The following SV2C variants were observed in gnomAD, a reference collection of about 807,000 sequenced individuals.
SV2C encodes the protein synaptic vesicle glycoprotein 2C.
SV2C carries 49 observed loss-of-function variants against 79.7 expected under a neutral mutation model. The observed-to-expected ratio is 0.61, with a 90% CI of 0.49 to 0.78. The LOEUF (loss-of-function observed/expected upper bound fraction) is 0.78. SV2C is among the 30% of genes least tolerant of loss of function. SV2C has a pLI of 0.00. For missense variants in SV2C, 833 were observed against 912.9 expected (o/e 0.91, Z 1.13); for synonymous variants, 334 against 333.2 (o/e 1.00, Z -0.03).
intron 4 of SV2C, among the ~76,000 whole-genome samples, chr5:76,274,684 C>CT (rs11415755): frequency 0.61 from 85,590 of 139,510 alleles, 25,845 homozygotes; most frequent in South Asian, 0.68. Flanking sequence ...TTTTCTCCTT[C>CT]TTTTTTTTTT....
intron 1 of SV2C, among the ~76,000 whole-genome samples, chr5:76,108,341 A>G (rs977591689): frequency 1.3e-5 from 2 of 152,184 alleles, no homozygotes; most frequent in African/African-American, 4.8e-5. Flanking sequence ...ATAAAATTGG[A>G]GTGATGTGCG....
chr5:76,000,364 T>C, the SV2C span, among the ~76,000 whole-genome samples: 1 of 152,108 alleles, frequency 6.6e-6, no homozygotes, highest in Admixed American at 6.5e-5. Flanking sequence ...CACCTGTTAT[T>C]CCTACCTGGG....
chr5:76,151,387 G>A (rs1749599407), intron 2 of SV2C, among the ~76,000 whole-genome samples: 1 of 152,226 alleles, frequency 6.6e-6, no homozygotes, highest in East Asian at 1.9e-4. Context: ...CCAATGGGGA[G>A]TGGTTGACGT....
chr5:76,031,258 T>A, the SV2C span, among the ~76,000 whole-genome samples: 136 of 152,316 alleles, frequency 8.9e-4, 1 homozygote, highest in African/African-American at 3.2e-3. Context: ...TGTTGCCTGC[T>A]CATCACAGCC....
chr5:76,346,577 C>T (rs1473056081), intron 12 of SV2C, among the ~76,000 whole-genome samples: 1 of 152,174 alleles, frequency 6.6e-6, no homozygotes, highest in African/African-American at 2.4e-5. Context: ...GCAGTCGCTG[C>T]GGTCAGTACT....
the SV2C span, among the ~76,000 whole-genome samples, chr5:76,048,880 G>A: frequency 1.5e-5 from 2 of 135,738 alleles, no homozygotes; most frequent in African/African-American, 5.6e-5. Context: ...AGAGAGAGAG[G>A]AAGGAAGGAA....
At chr5:75,858,853 T>C in the SV2C span, among the ~76,000 whole-genome samples, 1 of 126,422 alleles carries the variant, frequency 7.9e-6, no homozygotes, top group East Asian at 2.1e-4. Flanking sequence ...TAGGAATTTA[T>C]TTTTCTATTC....
chr5:76,092,005 A>G (rs1202559974), intron 1 of SV2C, among the ~76,000 whole-genome samples: 1 of 152,218 alleles, frequency 6.6e-6, no homozygotes, highest in Non-Finnish European at 1.5e-5. Flanking sequence ...GTGAACCTAC[A>G]TGGTAAAATG....
At chr5:75,984,603 C>T in the SV2C span, among the ~76,000 whole-genome samples, 197 of 141,482 alleles carry the variant, frequency 1.4e-3, 2 homozygotes, top group Admixed American at 4.2e-3. Flanking sequence ...ATCTACCTAT[C>T]TATCTATCTA....
chr5:76,237,001 C>A (rs902024534), intron 4 of SV2C, among the ~76,000 whole-genome samples: 12 of 152,308 alleles, frequency 7.9e-5, no homozygotes, highest in African/African-American at 2.9e-4. Flanking sequence ...CTCACTCCGT[C>A]CTGATGCCCT....
chr5:75,911,814 C>T, the SV2C span: 2 of 571,732 alleles, frequency 3.5e-6, no homozygotes, highest in Non-Finnish European at 3.5e-6. Context: ...ACAAGAGCAA[C>T]CTCACAGCAC....
the SV2C span, among the ~76,000 whole-genome samples, chr5:75,916,159 G>A: frequency 7.2e-5 from 11 of 152,268 alleles, no homozygotes; most frequent in Admixed American, 3.9e-4. Context: ...AAGTCAAAAC[G>A]TTTTGAACAT....
At chr5:76,073,503 G>GTGTGTGTA in the SV2C span, among the ~76,000 whole-genome samples, 1 of 67,412 alleles carries the variant, frequency 1.5e-5, no homozygotes, top group African/African-American at 6.6e-5. Context: ...GTATGTGTGT[G>GTGTGTGTA]TATATATATA....
the SV2C span, among the ~76,000 whole-genome samples, chr5:76,067,137 G>C: frequency 6.6e-6 from 1 of 152,040 alleles, no homozygotes; most frequent in South Asian, 2.1e-4. Context: ...TTGTCACTTT[G>C]AGTTGTATTT....
intron 9 of SV2C, among the ~76,000 whole-genome samples, chr5:76,298,479 A>G (rs547449474): frequency 6.6e-6 from 1 of 152,338 alleles, no homozygotes; most frequent in East Asian, 1.9e-4. Context: ...GAATAGCCCC[A>G]GGTAATCCCC....
Position 76,285,247 on chromosome 5 carries a change from C to T in SV2C, c.999C>T (p.Ser333=), listed in dbSNP as rs754031462. The T allele has an allele frequency of 6.2e-6, 10 of 1,614,054 alleles. No homozygotes were observed. The highest frequency in any genetic ancestry group is 1.3e-5 in the African/African-American group (1 of 74,920). The part of the protein sequence containing the change: ...VIVCALPCVS[S]VVALTFMPES... ...TCTGTGCACTCCCCTGTGTCTCCTCCGTGGTGGCCCTCACATTCATGCCTG... is the reference window on the plus strand; with the variant it reads ...TCTGTGCACTCCCCTGTGTCTCCTCTGTGGTGGCCCTCACATTCATGCCTG... The change falls in exon 5 of 13, where the codon TCC becomes TCT. Residue 333 remains serine, a synonymous_variant. Transcript: ENST00000502798.
At chr5:75,993,327 G>T in the SV2C span, among the ~76,000 whole-genome samples, 15 of 152,036 alleles carry the variant, frequency 9.9e-5, no homozygotes, top group African/African-American at 3.6e-4. Context: ...CATGGTTTCA[G>T]CTTGTGCAGT....
chr5:75,925,087 T>G, the SV2C span, among the ~76,000 whole-genome samples: 1 of 152,234 alleles, frequency 6.6e-6, no homozygotes, highest in African/African-American at 2.4e-5. Flanking sequence ...AAACACTTAT[T>G]TCTCTGGTCC....
chr5:76,161,934 A>G (rs553056969), intron 2 of SV2C, among the ~76,000 whole-genome samples: 2 of 152,258 alleles, frequency 1.3e-5, no homozygotes, highest in African/African-American at 2.4e-5. Context: ...AAGTGGTGGG[A>G]CCTTATCACC....
Sources: allele counts gnomAD v4.1 joint callset (sites outside exome capture counted in the v4.1 genomes callset), GRCh38; gene constraint gnomAD v4.1.1; transcripts MANE v1.5; gene names NCBI Gene and HGNC (gene_info 2026-07-23, HGNC 2026-07-21).